STON1: variants seen among roughly 807,000 people sequenced by gnomAD.
STON1 encodes the protein stonin 1, also known as stonin-1.
In STON1, 79 loss-of-function variants were observed where a neutral mutation model predicts 60.9. The ratio of observed to expected loss-of-function variants is 1.30; its 90% CI spans 1.08 to 1.56. The LOEUF (loss-of-function observed/expected upper bound fraction) is 1.56, where lower values mean the gene tolerates loss of function less well. STON1 is among the 40% of genes most tolerant of loss of function. STON1 has a pLI of 0.00. For synonymous variants in STON1, 363 were observed against 306.9 expected (o/e 1.18, Z -1.91); for missense variants, 1,166 against 858.9 (o/e 1.36, Z -4.47).
At chr2:48,537,180 T>C (rs1671464422) in intron 1 of STON1, among the ~76,000 whole-genome samples, 2 of 152,238 alleles carry the variant, frequency 1.3e-5, no homozygotes, top group African/African-American at 2.4e-5. Context: ...ACCCTTGCCT[T>C]GTCTTCTTAC....
At chr2:48,533,257 C>A (rs1432962250) in intron 1 of STON1, among the ~76,000 whole-genome samples, 1 of 152,016 alleles carries the variant, frequency 6.6e-6, no homozygotes, top group Non-Finnish European at 1.5e-5. Context: ...TGGCGGGCAC[C>A]TATAATCCCA....
intron 1 of STON1, among the ~76,000 whole-genome samples, chr2:48,539,551 G>A (rs1408784736): frequency 6.6e-6 from 1 of 151,974 alleles, no homozygotes; most frequent in African/African-American, 2.4e-5. Flanking sequence ...ACCCAGGCTG[G>A]AGTGCAGTGG....
intron 1 of STON1, among the ~76,000 whole-genome samples, chr2:48,555,526 G>A (rs1672309043): frequency 1.3e-5 from 1 of 77,054 alleles, no homozygotes; most frequent in Admixed American, 1.1e-4. Context: ...CCTCACGGAC[G>A]AGGCGGCTGG....
chr2:48,563,491 C>T (rs1051692584), intron 1 of STON1, among the ~76,000 whole-genome samples: 4 of 152,254 alleles, frequency 2.6e-5, no homozygotes, highest in African/African-American at 9.6e-5. Flanking sequence ...TAAGACCCTG[C>T]TAAGTCAAAG....
At chr2:48,586,974 T>C (rs1273554170) in intron 2 of STON1, among the ~76,000 whole-genome samples, 1 of 152,104 alleles carries the variant, frequency 6.6e-6, no homozygotes, top group African/African-American at 2.4e-5. Context: ...GCTCTGGCTG[T>C]GGTGGATAGG....
At chr2:48,568,736 G>A (rs1225742661) in intron 1 of STON1, among the ~76,000 whole-genome samples, 1 of 152,200 alleles carries the variant, frequency 6.6e-6, no homozygotes, top group Non-Finnish European at 1.5e-5. Context: ...ACCCAAATTT[G>A]TACTGAGCTG....
chr2:48,540,153 C>A (rs1339947903), intron 1 of STON1, among the ~76,000 whole-genome samples: 1 of 152,118 alleles, frequency 6.6e-6, no homozygotes, highest in Non-Finnish European at 1.5e-5. Context: ...TCTACTTTAT[C>A]TAGGTTTTAG....
chr2:48,592,021 TC>T (rs1366821698), intron 3 of STON1, among the ~76,000 whole-genome samples, 166 bp downstream of exon 3: 2 of 152,158 alleles, frequency 1.3e-5, no homozygotes, highest in Admixed American at 1.3e-4. Flanking sequence ...TGAGCTTAGT[TC>T]TTCCTATCCA....
chr2:48,541,215 G>A (rs548995901), intron 1 of STON1, among the ~76,000 whole-genome samples: 1 of 151,688 alleles, frequency 6.6e-6, no homozygotes, highest in East Asian at 2.0e-4. Context: ...GCTGGGCATG[G>A]TGTTGTATGA....
At chr2:48,559,825 G>A (rs1421482448) in intron 1 of STON1, among the ~76,000 whole-genome samples, 1 of 152,166 alleles carries the variant, frequency 6.6e-6, no homozygotes, top group Non-Finnish European at 1.5e-5. Flanking sequence ...TGAATAAGCA[G>A]GGGATGTGTG....
At chr2:48,533,567 A>G (rs1375270051) in intron 1 of STON1, among the ~76,000 whole-genome samples, 1 of 149,306 alleles carries the variant, frequency 6.7e-6, no homozygotes, top group African/African-American at 2.5e-5. Flanking sequence ...GCAGGCACCT[A>G]TAATGTCAGC....
chr2:48,538,366 G>T (rs1365819190), intron 1 of STON1, among the ~76,000 whole-genome samples: 1 of 152,002 alleles, frequency 6.6e-6, no homozygotes, highest in Non-Finnish European at 1.5e-5. Flanking sequence ...AGGGCATATG[G>T]GTCAAGTTTT....
chr2:48,554,029 G>A (rs553168288), intron 1 of STON1, among the ~76,000 whole-genome samples: 10 of 152,284 alleles, frequency 6.6e-5, no homozygotes, highest in African/African-American at 2.4e-4. Context: ...ATGGGTGTGG[G>A]GAGAGAGCAG....
At position 48,580,743 on chromosome 2, in the gene STON1, C is replaced by T. The variant is rs2103912019; in HGVS notation, c.110C>T (p.Pro37Leu). ...CTGGAGAATCAAGGTGTCTGTAGAC[C>T]AAATGGACTGAAGCTGAACCTTCCT... ...FPLENQGVCR[P>L]NGLKLNLPGL... The change falls in exon 2 of 4, where the codon CCA (proline) becomes CTA (leucine). Residue 37 changes from proline to leucine, a missense_variant. Coordinates refer to ENST00000404752, the MANE Select transcript of STON1 (RefSeq NM_006873.4). 6.5e-7 allele frequency: 1 copy of T among 1,541,494 alleles called. No individual in the cohort carries two copies. Among genetic ancestry groups the T allele is most frequent in the Non-Finnish European group, 8.7e-7 (1 of 1,144,916 alleles).
At chr2:48,564,498 C>CT (rs1558605058) in intron 1 of STON1, among the ~76,000 whole-genome samples, 25 of 23,216 alleles carry the variant, frequency 1.1e-3, no homozygotes, top group African/African-American at 2.5e-3. Context: ...TCTTCTTCTT[C>CT]TTCTTCTTCT....
chr2:48,577,749 G>A (rs1673600150), intron 1 of STON1, among the ~76,000 whole-genome samples: 1 of 150,244 alleles, frequency 6.7e-6, no homozygotes, highest in African/African-American at 2.4e-5. Context: ...CTGAGTAGCT[G>A]GGATTACAGG....
intron 1 of STON1, among the ~76,000 whole-genome samples, chr2:48,550,910 C>T (rs1432817194): frequency 2.0e-5 from 3 of 151,978 alleles, no homozygotes; most frequent in Admixed American, 2.0e-4. Context: ...CCTTTTTGTT[C>T]AACCTCTAAG....
At chr2:48,543,542 T>G (rs1572929301) in intron 1 of STON1, among the ~76,000 whole-genome samples, 1 of 149,732 alleles carries the variant, frequency 6.7e-6, no homozygotes, top group East Asian at 1.9e-4. Flanking sequence ...TTTTTTTTTT[T>G]TTTTTTTGAG....
At chr2:48,567,929 G>A (rs1443527018) in intron 1 of STON1, among the ~76,000 whole-genome samples, 3 of 143,592 alleles carry the variant, frequency 2.1e-5, no homozygotes, top group East Asian at 3.2e-4. Context: ...GGAGTCTGGC[G>A]CTATAGGGAG....
Sources: gnomAD v4.1 joint callset for allele counts (sites outside exome capture counted in the v4.1 genomes callset) on GRCh38, gnomAD v4.1.1 for gene constraint, MANE v1.5 for transcripts, NCBI Gene and HGNC (gene_info 2026-07-23, HGNC 2026-07-21) for gene names.